The following BRAF variants were observed in gnomAD, a reference collection of about 807,000 sequenced individuals.
BRAF encodes the protein serine/threonine-protein kinase B-raf.
In BRAF, 16 loss-of-function variants were observed where a neutral mutation model predicts 104.6. The ratio of observed to expected loss-of-function variants is 0.15; its 90% CI spans 0.10 to 0.23. BRAF has a LOEUF of 0.23. Among genes scored for constraint, BRAF ranks in the 10% least tolerant of loss-of-function variants. BRAF has a pLI of 1.00. For missense variants in BRAF, 541 were observed against 937.3 expected (o/e 0.58, Z 5.52); for synonymous variants, 310 against 341.6 (o/e 0.91, Z 1.02).
chr7:140,828,297 A>G (rs1409384448), intron 3 of BRAF, among the ~76,000 whole-genome samples: 1 of 152,214 alleles, frequency 6.6e-6, no homozygotes, highest in Non-Finnish European at 1.5e-5. Flanking sequence ...TTCGCAGGCC[A>G]TACAAAAATA....
intron 3 of BRAF, among the ~76,000 whole-genome samples, chr7:140,830,476 TCA>T (rs1227891221): frequency 6.6e-6 from 1 of 152,182 alleles, no homozygotes. Flanking sequence ...TCTTTTGTTC[TCA>T]TATTTGTCTT....
At chr7:140,883,593 C>G (rs1813189825) in intron 1 of BRAF, among the ~76,000 whole-genome samples, 1 of 152,126 alleles carries the variant, frequency 6.6e-6, no homozygotes, top group Non-Finnish European at 1.5e-5. Flanking sequence ...CTTTCTGTTC[C>G]TTTTTCTAAA....
At chr7:140,792,448 C>T (rs1586179739) in intron 8 of BRAF, among the ~76,000 whole-genome samples, 1 of 152,310 alleles carries the variant, frequency 6.6e-6, no homozygotes, top group East Asian at 1.9e-4. Context: ...CCCAAGCCTT[C>T]TCCTGGACCC....
intron 1 of BRAF, among the ~76,000 whole-genome samples, chr7:140,858,150 G>A (rs1810009419): frequency 6.6e-6 from 1 of 152,146 alleles, no homozygotes; most frequent in Non-Finnish European, 1.5e-5. Flanking sequence ...TAGTGCCAAA[G>A]TATTTCGCCA....
intron 2 of BRAF, among the ~76,000 whole-genome samples, chr7:140,846,953 T>A (rs1032497945): frequency 2.0e-5 from 3 of 151,728 alleles, no homozygotes; most frequent in African/African-American, 7.3e-5. Flanking sequence ...GTCAGGAGTT[T>A]GAGACAAGCC....
At chr7:140,740,015 T>C (rs1035708024) in intron 17 of BRAF, 69 bp from the exon 17 acceptor site, 13 of 1,489,888 alleles carry the variant, frequency 8.7e-6, no homozygotes, top group African/African-American at 5.5e-5. Context: ...TTCACACTCA[T>C]TGAAAACACA....
chr7:140,775,600 T>C (rs1391276431), intron 14 of BRAF, among the ~76,000 whole-genome samples: 2 of 152,090 alleles, frequency 1.3e-5, no homozygotes, highest in Non-Finnish European at 2.9e-5. Context: ...CGGCCTCCCA[T>C]AGTTCTGGGA....
Position 140,924,615 on chromosome 7 carries a change from CCGGCGCCGG to C in BRAF, c.80_88del (p.Ala27_Ala29del). The C allele has an allele frequency of 3.9e-6, 6 of 1,526,764 alleles. No individual in the cohort carries two copies. The highest frequency in any genetic ancestry group is 5.2e-6 in the Non-Finnish European group (6 of 1,142,968). The allele number at this position is 1,526,764 out of a possible 1,614,324, so 94.6% of individuals were successfully genotyped here. A position where few individuals can be genotyped will look rare whatever the true frequency, so the allele number is the denominator to read the frequency against. On this transcript the variant is annotated inframe_deletion, in exon 1 of 20. Transcript: ENST00000644969. This position sits in a 1 kb window ranked among gnomAD's most constrained non-coding sequence, Gnocchi z 4.2. ...AGCCGAAGAGGCCGCGGCGCCGGCG[CCGGCGCCGG>C]CCTCGGGCTCCATGTCCCCGTTGAA...
chr7:140,907,084 C>T (rs1482402496), intron 1 of BRAF, among the ~76,000 whole-genome samples: 1 of 152,050 alleles, frequency 6.6e-6, no homozygotes, highest in Non-Finnish European at 1.5e-5. Context: ...TGTCTCTTTA[C>T]CTCTCTTCAA....
chr7:140,879,016 A>G (rs1174166293), intron 1 of BRAF, among the ~76,000 whole-genome samples: 1 of 151,994 alleles, frequency 6.6e-6, no homozygotes, highest in Non-Finnish European at 1.5e-5. Context: ...TTGGGATTAC[A>G]GGCATGCACC....
chr7:140,830,672 G>A (rs1432000464), intron 3 of BRAF, among the ~76,000 whole-genome samples: 1 of 152,172 alleles, frequency 6.6e-6, no homozygotes, highest in Non-Finnish European at 1.5e-5. Context: ...GGAGGTCGTG[G>A]AGATTGACCT....
chr7:140,856,213 T>C (rs1410370782), intron 1 of BRAF, among the ~76,000 whole-genome samples: 3 of 151,406 alleles, frequency 2.0e-5, no homozygotes, highest in African/African-American at 7.3e-5. Flanking sequence ...AGGACTAGCC[T>C]AAGAGATTCC....
intron 1 of BRAF, among the ~76,000 whole-genome samples, chr7:140,881,443 C>T (rs1052533482): frequency 2.0e-5 from 3 of 152,122 alleles, no homozygotes; most frequent in African/African-American, 2.4e-5. Context: ...TGAATGGAGA[C>T]GACGTCTCAC....
chr7:140,805,162 AAAATATTTCAAGAAAATT>A (rs1322747209), intron 5 of BRAF, among the ~76,000 whole-genome samples: 3 of 152,212 alleles, frequency 2.0e-5, no homozygotes, highest in Non-Finnish European at 4.4e-5. Flanking sequence ...AAAGTTATTG[AAAATATTTCAAGAAAATT>A]ACATCCTGAT....
At position 140,724,960 on chromosome 7, in the gene BRAF, T is replaced by G; in HGVS notation, c.*1534A>C. On this transcript the variant is annotated 3_prime_UTR_variant, in exon 20 of 20. Coordinates refer to ENST00000644969, the MANE Select transcript of BRAF (RefSeq NM_001374258.1). ...GTTATATTTTCCATTTGTGCAAAGA[T>G]AAGATTTAGGTTCTTAATGAATGCC... 1 of 1,043,372 alleles carries G rather than the reference T, an allele frequency of 9.6e-7. No individual in the cohort carries two copies. The highest frequency in any genetic ancestry group is 1.2e-6 in the Non-Finnish European group (1 of 865,470). The allele number at this position is 1,043,372 out of a possible 1,614,324, so 64.6% of individuals were successfully genotyped here. A position where few individuals can be genotyped will look rare whatever the true frequency, so the allele number is the denominator to read the frequency against.
intron 1 of BRAF, among the ~76,000 whole-genome samples, chr7:140,909,231 G>T (rs1816689510): frequency 6.6e-6 from 1 of 151,966 alleles, no homozygotes; most frequent in Non-Finnish European, 1.5e-5. Context: ...TTCAAGACAA[G>T]CCTGACCAAC....
At chr7:140,777,711 A>C (rs1270508146) in intron 13 of BRAF, among the ~76,000 whole-genome samples, 1 of 152,196 alleles carries the variant, frequency 6.6e-6, no homozygotes, top group African/African-American at 2.4e-5. Context: ...AAAACTGGAG[A>C]GTATTCTTTT....
intron 3 of BRAF, among the ~76,000 whole-genome samples, chr7:140,829,342 CA>C (rs1278035029): frequency 2.1e-5 from 3 of 142,062 alleles, no homozygotes; most frequent in Non-Finnish European, 4.5e-5. Context: ...GAAAGATTTA[CA>C]TTTTTTTTTT....
rs946550015 is a variant in BRAF, at chr7:140,919,301, G to A, written c.138+5265C>T. ...GCAGCTACATTACAAGAATGAAAAC[G>A]ACGCTTTATCCGATGTTACAGAGCT... On this transcript the variant is annotated intron_variant, in intron 1 of 19. Transcript: ENST00000644969. 4.6e-5 allele frequency among the ~76,000 whole-genome samples: 7 copies of A among 152,154 alleles called. No individual in the cohort carries two copies. The East Asian group carries it at 5.8e-4, about 13-fold the overall frequency.
Sources: allele counts gnomAD v4.1 joint callset (sites outside exome capture counted in the v4.1 genomes callset), GRCh38; gene constraint gnomAD v4.1.1; non-coding constraint Gnocchi (gnomAD v3.1); transcripts MANE v1.5; gene names NCBI Gene and HGNC (gene_info 2026-07-23, HGNC 2026-07-21).